Variants in TSPAN9 observed in about 807,000 individuals in gnomAD.
TSPAN9 encodes the protein tetraspanin-9.
Under a neutral mutation model 31.0 loss-of-function variants are expected in TSPAN9, and 16 were observed. The observed-to-expected ratio is 0.52, with a 90% CI of 0.35 to 0.78. The LOEUF is 0.78. Ranked by LOEUF, TSPAN9 falls within the 30% of genes least tolerant of loss-of-function variation. The pLI, the probability that TSPAN9 is intolerant of heterozygous loss-of-function variation, is 0.01. For synonymous variants in TSPAN9, 145 were observed against 121.6 expected (o/e 1.19, Z -1.27); for missense variants, 272 against 312.5 (o/e 0.87, Z 0.98).
In TSPAN9 at chr12:3,170,782, C is replaced by CT. The variant is rs1419556201; in HGVS notation, c.-17-30394dup. On this transcript the variant is annotated intron_variant, in intron 2 of 8. Coordinates refer to ENST00000011898, the MANE Select transcript of TSPAN9 (RefSeq NM_006675.5). The surrounding 1 kb of genome is among the most constrained non-coding windows in gnomAD (Gnocchi z 4.4). ...CTGCACAGCTGTGGCACCTGTGGGG[C>CT]TGCTGGCTGAGGCTTCGAGGTCCAC... is the stretch of plus-strand genomic sequence containing the variant. 7.9e-5 allele frequency among the ~76,000 whole-genome samples: 12 copies of CT among 152,266 alleles called. No individual in the cohort carries two copies. The highest frequency in any genetic ancestry group is 2.9e-4 in the African/African-American group (12 of 41,556).
intron 3 of TSPAN9, among the ~76,000 whole-genome samples, chr12:3,243,271 C>T (rs747296057): frequency 9.2e-5 from 14 of 152,168 alleles, no homozygotes; most frequent in South Asian, 2.1e-4. Flanking sequence ...CCATCACCAT[C>T]GCAGCCACTG....
chr12:3,269,702 A>G (rs1021577686), intron 3 of TSPAN9, among the ~76,000 whole-genome samples: 3 of 152,214 alleles, frequency 2.0e-5, no homozygotes, highest in Non-Finnish European at 2.9e-5. Context: ...ACATCCTTCC[A>G]TGCCCAAAGT....
chr12:3,094,336 T>C (rs571587090), intron 2 of TSPAN9, among the ~76,000 whole-genome samples: 1 of 152,214 alleles, frequency 6.6e-6, no homozygotes, highest in East Asian at 1.9e-4. Flanking sequence ...ATTAGAGAAA[T>C]TCCCAAACCT....
intron 2 of TSPAN9, among the ~76,000 whole-genome samples, chr12:3,191,147 A>G (rs1250592105): frequency 1.3e-5 from 2 of 152,018 alleles, no homozygotes; most frequent in African/African-American, 2.4e-5. Flanking sequence ...ATGAGGGGGA[A>G]TTTGATGTGG....
At chr12:3,257,596 A>G (rs1354821650) in intron 3 of TSPAN9, among the ~76,000 whole-genome samples, 1 of 151,938 alleles carries the variant, frequency 6.6e-6, no homozygotes, top group Non-Finnish European at 1.5e-5. Context: ...ATCCCCAACA[A>G]GCTCTCTTGT....
chr12:3,093,252 G>C (rs1360939395), intron 2 of TSPAN9, among the ~76,000 whole-genome samples: 1 of 152,198 alleles, frequency 6.6e-6, no homozygotes, highest in Non-Finnish European at 1.5e-5. Context: ...TGGTTGTGCT[G>C]TGCCCATCAG....
chr12:3,087,647 A>T, intron 2 of TSPAN9, among the ~76,000 whole-genome samples: 1 of 151,938 alleles, frequency 6.6e-6, no homozygotes, highest in East Asian at 1.9e-4. Context: ...CTCTACTAAA[A>T]ATACAAAAAT....
intron 3 of TSPAN9, among the ~76,000 whole-genome samples, chr12:3,261,300 C>A (rs536189216): frequency 6.6e-6 from 1 of 152,164 alleles, no homozygotes; most frequent in Admixed American, 6.5e-5. Flanking sequence ...TTAATATTCA[C>A]AACAGCTTAA....
rs1400340171 is a variant in TSPAN9, at chr12:3,118,921, G to T, written c.-18+35202G>T. On this transcript the variant is annotated intron_variant, in intron 2 of 8. Transcript: ENST00000011898. The stretch of plus-strand genomic sequence containing the variant: ...GGTTGCAAAGACAGGCAGGACTTCG[G>T]TGGACAGTGTGGGAGAGCTGTGGGC... Among the ~76,000 whole-genome samples the T allele has an allele frequency of 6.6e-5, 10 of 152,338 alleles. No homozygotes were observed. In the East Asian group the frequency reaches 1.9e-3, roughly 29 times the overall value.
At chr12:3,229,205 G>GT (rs1041373359) in intron 3 of TSPAN9, among the ~76,000 whole-genome samples, 1 of 152,202 alleles carries the variant, frequency 6.6e-6, no homozygotes, top group African/African-American at 2.4e-5. Flanking sequence ...GGGGACAGGG[G>GT]TTGGGGGGTT....
intron 1 of TSPAN9, among the ~76,000 whole-genome samples, chr12:3,078,893 T>C (rs556299618): frequency 1.3e-5 from 2 of 152,114 alleles, no homozygotes; most frequent in Non-Finnish European, 2.9e-5. Context: ...GATAAAGTAA[T>C]TTATAGTTGG....
chr12:3,218,447 A>G (rs2098382528), intron 3 of TSPAN9, among the ~76,000 whole-genome samples: 2 of 152,374 alleles, frequency 1.3e-5, no homozygotes, highest in South Asian at 2.1e-4. Context: ...TGGGGCCTGC[A>G]GTGGCCAGAC....
intron 3 of TSPAN9, among the ~76,000 whole-genome samples, chr12:3,227,685 C>T (rs2098388561): frequency 6.6e-6 from 1 of 152,240 alleles, no homozygotes; most frequent in Non-Finnish European, 1.5e-5. Flanking sequence ...TCCATCTCCA[C>T]TGGCCTCTGG....
intron 1 of TSPAN9, among the ~76,000 whole-genome samples, chr12:3,079,997 G>C (rs2098297116): frequency 6.7e-6 from 1 of 150,016 alleles, no homozygotes; most frequent in African/African-American, 2.5e-5. Context: ...GCCCAGGCTG[G>C]TCTCTGGTCT....
intron 2 of TSPAN9, among the ~76,000 whole-genome samples, chr12:3,086,370 C>T (rs1048097197): frequency 6.7e-6 from 1 of 149,936 alleles, no homozygotes; most frequent in African/African-American, 2.5e-5. Context: ...ATTATCTGTG[C>T]TTTGATTTAC....
At chr12:3,122,390 C>T (rs763461561) in intron 2 of TSPAN9, among the ~76,000 whole-genome samples, 18 of 151,922 alleles carry the variant, frequency 1.2e-4, no homozygotes, top group Non-Finnish European at 1.3e-4. Context: ...TCATAGCTCA[C>T]TGCAGCGTTG....
intron 3 of TSPAN9, among the ~76,000 whole-genome samples, chr12:3,276,883 G>A (rs1253173350): frequency 6.6e-6 from 1 of 152,152 alleles, no homozygotes; most frequent in Non-Finnish European, 1.5e-5. Context: ...GGAGGCGTCT[G>A]TCCCCTCCCC....
At chr12:3,211,405 C>T (rs2098378624) in intron 3 of TSPAN9, among the ~76,000 whole-genome samples, 1 of 152,092 alleles carries the variant, frequency 6.6e-6, no homozygotes, top group African/African-American at 2.4e-5. Flanking sequence ...TAGGGCAAAT[C>T]CTTTCCTCTT....
intron 3 of TSPAN9, among the ~76,000 whole-genome samples, chr12:3,209,080 C>T (rs1319904035): frequency 1.3e-5 from 2 of 151,934 alleles, no homozygotes; most frequent in African/African-American, 4.8e-5. Flanking sequence ...ACTAAAAATA[C>T]AAAAATTAGT....
Sources: allele counts gnomAD v4.1 joint callset (sites outside exome capture counted in the v4.1 genomes callset), GRCh38; gene constraint gnomAD v4.1.1; non-coding constraint Gnocchi (gnomAD v3.1); transcripts MANE v1.5; gene names NCBI Gene and HGNC (gene_info 2026-07-23, HGNC 2026-07-21).